Variants in PIK3CB observed in about 807,000 individuals in gnomAD.
PIK3CB encodes the protein phosphatidylinositol 4,5-bisphosphate 3-kinase catalytic subunit beta isoform.
Under a neutral mutation model 136.8 loss-of-function variants are expected in PIK3CB, and 39 were observed. The observed-to-expected ratio is 0.29, with a 90% confidence interval of 0.22 to 0.37. The LOEUF is 0.37. PIK3CB is among the 10% of genes least tolerant of loss of function. The pLI is 1.00. For missense variants in PIK3CB, 868 were observed against 1,275.4 expected (o/e 0.68, Z 4.87); for synonymous variants, 428 against 436.6 (o/e 0.98, Z 0.25).
intron 21 of PIK3CB, among the ~76,000 whole-genome samples, chr3:138,658,781 T>TC (rs1223062059): frequency 6.6e-6 from 1 of 152,036 alleles, no homozygotes; most frequent in African/African-American, 2.4e-5. Context: ...ACGCATGTAT[T>TC]CATTCATTCA....
At chr3:138,773,369 C>T (rs534331854) in intron 2 of PIK3CB, among the ~76,000 whole-genome samples, 5 of 150,604 alleles carry the variant, frequency 3.3e-5, no homozygotes, top group African/African-American at 2.4e-5. Flanking sequence ...CCAGCCTGGG[C>T]GATAGAGTGA....
intron 12 of PIK3CB, among the ~76,000 whole-genome samples, chr3:138,699,706 T>A (rs778957948): frequency 6.6e-6 from 1 of 152,148 alleles, no homozygotes; most frequent in African/African-American, 2.4e-5. Context: ...ATTAGAGGTA[T>A]TGATGAGAAC....
At chr3:138,725,128 G>C (rs2044809587) in intron 8 of PIK3CB, among the ~76,000 whole-genome samples, 1 of 151,958 alleles carries the variant, frequency 6.6e-6, no homozygotes, top group Non-Finnish European at 1.5e-5. Context: ...TATATGCCCA[G>C]ACTTCACTTC....
intron 21 of PIK3CB, among the ~76,000 whole-genome samples, chr3:138,658,157 A>G (rs1476321999): frequency 1.3e-5 from 2 of 152,162 alleles, no homozygotes; most frequent in Non-Finnish European, 2.9e-5. Flanking sequence ...CATAACAAGA[A>G]AAGAGTACAG....
At chr3:138,830,349 A>C (rs1933971278) in intron 1 of PIK3CB, among the ~76,000 whole-genome samples, 1 of 152,116 alleles carries the variant, frequency 6.6e-6, no homozygotes, top group African/African-American at 2.4e-5. Flanking sequence ...TAGGAGTTCT[A>C]GACCAGTCTG....
chr3:138,805,795 T>C (rs924836364), intron 1 of PIK3CB, among the ~76,000 whole-genome samples: 1 of 151,822 alleles, frequency 6.6e-6, no homozygotes, highest in Non-Finnish European at 1.5e-5. Context: ...AGTGGCGCAA[T>C]CTCGGCTCAC....
At chr3:138,672,941 G>C (rs1195638949) in intron 19 of PIK3CB, among the ~76,000 whole-genome samples, 3 of 146,168 alleles carry the variant, frequency 2.1e-5, no homozygotes, top group Admixed American at 1.4e-4. Flanking sequence ...GAGAGAGAGA[G>C]AAAGAGATGA....
intron 1 of PIK3CB, among the ~76,000 whole-genome samples, chr3:138,817,372 C>T (rs915556692): frequency 2.7e-4 from 41 of 151,938 alleles, no homozygotes; most frequent in Non-Finnish European, 3.8e-4. Flanking sequence ...AAAAATTAGC[C>T]GGGCCTGGTG....
chr3:138,711,633 G>T (rs2044502672), intron 10 of PIK3CB, among the ~76,000 whole-genome samples: 1 of 149,234 alleles, frequency 6.7e-6, no homozygotes, highest in Middle Eastern at 3.2e-3. Flanking sequence ...CCTAAATATG[G>T]TATGGAGATG....
chr3:138,721,825 C>T (rs28473201), intron 8 of PIK3CB, among the ~76,000 whole-genome samples: 5,305 of 152,170 alleles, frequency 0.035, 315 homozygotes, highest in African/African-American at 0.12. Flanking sequence ...CATTATTTTG[C>T]CTACTATAAT....
chr3:138,773,983 A>T (rs746420272), intron 2 of PIK3CB, among the ~76,000 whole-genome samples: 35 of 152,222 alleles, frequency 2.3e-4, no homozygotes, highest in Admixed American at 4.6e-4. Context: ...AATTAATAGG[A>T]CAAAGACTAC....
intron 2 of PIK3CB, among the ~76,000 whole-genome samples, chr3:138,777,344 C>T (rs2108778509): frequency 6.6e-6 from 1 of 152,300 alleles, no homozygotes; most frequent in South Asian, 2.1e-4. Flanking sequence ...GCTTCCATTT[C>T]CTCACTTAAG....
chr3:138,723,088 A>G (rs1559841921), intron 8 of PIK3CB, among the ~76,000 whole-genome samples: 2 of 152,130 alleles, frequency 1.3e-5, no homozygotes, highest in African/African-American at 4.8e-5. Flanking sequence ...AATAAAAAGA[A>G]AAGAAGCATA....
chr3:138,705,528 A>C (rs1209402854), intron 11 of PIK3CB, among the ~76,000 whole-genome samples: 1 of 152,330 alleles, frequency 6.6e-6, no homozygotes, highest in East Asian at 1.9e-4. Flanking sequence ...TATTGTTCAG[A>C]AAAACATGTT....
intron 12 of PIK3CB, among the ~76,000 whole-genome samples, chr3:138,702,448 G>A (rs892016204): frequency 6.6e-6 from 1 of 152,160 alleles, no homozygotes; most frequent in South Asian, 2.1e-4. Context: ...ACCTGGGCAA[G>A]ATTACTGCAT....
At position 138,652,722 on chromosome 3, in the gene PIK3CB, T is replaced by C. The variant is rs919257263; in HGVS notation, c.*2667A>G. 1.9e-5 allele frequency: 4 copies of C among 213,074 alleles called. No individual in the cohort carries two copies. Among genetic ancestry groups the C allele is most frequent in the Admixed American group, 5.9e-5 (1 of 17,070 alleles). The allele number at this position is 213,074 out of a possible 1,614,324, so 13.2% of individuals were successfully genotyped here. On this transcript the variant is annotated 3_prime_UTR_variant, in exon 24 of 24. Coordinates refer to ENST00000674063, the MANE Select transcript of PIK3CB (RefSeq NM_006219.3). The stretch of plus-strand genomic sequence containing the variant: ...GTAACTATAGTCGATAATTTAATTA[T>C]AGATCTTAAAATAACTAAAAGAGTA...
At chr3:138,782,934 C>T (rs1293180282) in intron 2 of PIK3CB, among the ~76,000 whole-genome samples, 1 of 152,160 alleles carries the variant, frequency 6.6e-6, no homozygotes, top group African/African-American at 2.4e-5. Context: ...TAAGTAGCTG[C>T]AAGGCCATGA....
At chr3:138,815,367 A>AC (rs1321688268) in intron 1 of PIK3CB, among the ~76,000 whole-genome samples, 4 of 143,728 alleles carry the variant, frequency 2.8e-5, no homozygotes, top group Non-Finnish European at 4.6e-5. Flanking sequence ...AAAAAAAAAA[A>AC]AAAAAAAACT....
At chr3:138,801,455 G>A (rs1166515682) in intron 1 of PIK3CB, among the ~76,000 whole-genome samples, 1 of 152,152 alleles carries the variant, frequency 6.6e-6, no homozygotes, top group African/African-American at 2.4e-5. Context: ...CACAGGGCAG[G>A]TGCAGTGGCT....
Sources: gnomAD v4.1 joint callset for allele counts (sites outside exome capture counted in the v4.1 genomes callset) on GRCh38, gnomAD v4.1.1 for gene constraint, MANE v1.5 for transcripts, NCBI Gene and HGNC (gene_info 2026-07-23, HGNC 2026-07-21) for gene names.